The following WFDC2 variants were observed in gnomAD, a reference collection of about 807,000 sequenced individuals.
The protein encoded by WFDC2 is WAP four-disulfide core domain protein 2.
In WFDC2, 8 loss-of-function variants were observed where a neutral mutation model predicts 12.5. That is an observed-to-expected ratio of 0.64 (90% CI 0.37 to 1.15). The LOEUF (loss-of-function observed/expected upper bound fraction) is 1.15, where lower values mean the gene tolerates loss of function less well. Among genes scored for constraint, WFDC2 ranks in the 50% most tolerant of loss-of-function variants. WFDC2 has a pLI of 0.01. For missense variants in WFDC2, 166 were observed against 159.9 expected, an observed-to-expected ratio of 1.04 and a Z score of -0.21; for synonymous variants, 74 against 67.2, an observed-to-expected ratio of 1.10 and a Z score of -0.49.
At chr20:45,479,734 G>C (rs377148736) in intron 2 of WFDC2, 3 of 1,614,022 alleles carry the variant, frequency 1.9e-6, no homozygotes, top group Non-Finnish European at 2.5e-6. Context: ...CTGAGGTCCT[G>C]TGATTCCATT....
chr20:45,472,099 A>G (rs1483136293), intron 2 of WFDC2, among the ~76,000 whole-genome samples: 1 of 151,240 alleles, frequency 6.6e-6, no homozygotes, highest in Non-Finnish European at 1.5e-5. Flanking sequence ...GGAAGTCAAG[A>G]CTGTTGGCAA....
intron 2 of WFDC2, chr20:45,479,652 C>A (rs753676610): frequency 6.2e-7 from 1 of 1,608,366 alleles, no homozygotes; most frequent in East Asian, 2.2e-5. Flanking sequence ...CACTGTTCCA[C>A]TGGCACCTAA....
At chr20:45,471,112 G>T (rs1276253026) in intron 2 of WFDC2, 8 of 471,034 alleles carry the variant, frequency 1.7e-5, no homozygotes, top group Non-Finnish European at 3.1e-5. Context: ...CCATCCCATG[G>T]CTGCTGGAGT....
At chr20:45,474,168 A>C (rs575506228) in intron 2 of WFDC2, among the ~76,000 whole-genome samples, 2 of 152,178 alleles carry the variant, frequency 1.3e-5, no homozygotes, top group Admixed American at 6.5e-5. Flanking sequence ...AATACCCTTT[A>C]TTTCTTTCTC....
At chr20:45,480,496 C>T (rs2145508216) in intron 3 of WFDC2, among the ~76,000 whole-genome samples, 2 of 151,742 alleles carry the variant, frequency 1.3e-5, no homozygotes, top group East Asian at 3.9e-4. Flanking sequence ...GCGGGTGCCA[C>T]CCACCCGCTA....
chr20:45,471,512 G>C (rs1991172016), intron 2 of WFDC2: 1 of 169,434 alleles, frequency 5.9e-6, no homozygotes, highest in Non-Finnish European at 1.3e-5. Context: ...GGGAAGGTTT[G>C]TAATACGGTG....
At chr20:45,480,813 C>G (rs1025757745) in intron 3 of WFDC2, among the ~76,000 whole-genome samples, 5 of 152,166 alleles carry the variant, frequency 3.3e-5, no homozygotes, top group African/African-American at 1.2e-4. Flanking sequence ...ACTATGGTTT[C>G]TCTAAACTAA....
At position 45,470,684 on chromosome 20, in the gene WFDC2, C is replaced by A. The variant is rs1364123341; in HGVS notation, c.223+152C>A. On this transcript the variant is annotated intron_variant, in intron 2 of 3. Coordinates refer to ENST00000372676, the MANE Select transcript of WFDC2 (RefSeq NM_006103.4). This position sits in a 1 kb window ranked among gnomAD's most constrained non-coding sequence, Gnocchi z 5.4. ...TGAAACCAGATCCGTCAGTCCTCTC[C>A]CTCGCACGGCCCAGGGGTAGACAAA... 1 of 1,140,760 alleles carries A rather than the reference C, an allele frequency of 8.8e-7. No individual in the cohort carries two copies. The highest frequency in any genetic ancestry group is 1.6e-5 in the African/African-American group (1 of 63,904). 70.7% of individuals were successfully genotyped at this position (1,140,760 alleles called of 1,614,324 possible).
chr20:45,470,483 C>A lies in WFDC2; in HGVS notation c.174C>A (p.Asn58Lys). The A allele has an allele frequency of 6.3e-7, 1 of 1,598,554 alleles. No homozygotes were observed. The highest frequency in any genetic ancestry group is 8.5e-7 in the Non-Finnish European group (1 of 1,172,180). ...TCTCGGACAGCGAATGCGCCGACAACCTCAAGTGCTGCAGCGCGGGCTGTG... is the reference window on the plus strand; with the variant it reads ...TCTCGGACAGCGAATGCGCCGACAAACTCAAGTGCTGCAGCGCGGGCTGTG... ...ECVSDSECADNLKCCSAGCAT... is the reference protein window; with the variant it reads ...ECVSDSECADKLKCCSAGCAT... Residue 58 changes from asparagine (N) to lysine (K), a missense_variant, in exon 2 of 4, where the codon AAC (asparagine) becomes AAA (lysine). Physicochemically the swap from Asn to Lys is moderately conservative, Grantham distance 94. Coordinates refer to ENST00000372676, the MANE Select transcript of WFDC2 (RefSeq NM_006103.4). The surrounding 1 kb of genome is among the most constrained non-coding windows in gnomAD (Gnocchi z 5.4).
intron 2 of WFDC2, among the ~76,000 whole-genome samples, chr20:45,472,039 C>T (rs1022642961): frequency 1.3e-5 from 2 of 152,054 alleles, no homozygotes; most frequent in Non-Finnish European, 2.9e-5. Context: ...CAGGGCAGCC[C>T]AATATTACAG....
rs1347544680 is a variant in WFDC2, at chr20:45,470,282, G to T, written c.80-107G>T. ...TGGGGGCTGTAAGGGGACTCCTAGG[G>T]CCAGAGACTGAGAATTCCTTGGGGT... On this transcript the variant is annotated intron_variant, in intron 1 of 3. Coordinates refer to ENST00000372676, the MANE Select transcript of WFDC2 (RefSeq NM_006103.4). This position sits in a 1 kb window ranked among gnomAD's most constrained non-coding sequence, Gnocchi z 5.4. 4.9e-6 allele frequency: 7 copies of T among 1,439,224 alleles called. No individual in the cohort carries two copies. Among genetic ancestry groups the T allele is most frequent in the Non-Finnish European group, 6.4e-6 (7 of 1,085,358 alleles). The allele number at this position is 1,439,224 out of a possible 1,614,324, so 89.2% of individuals were successfully genotyped here.
rs574773830 is a variant in WFDC2, at chr20:45,476,687, C to A, written c.224-3255C>A. ...TCTCAAGGAGTATCTTTGAGGTGTT[C>A]TCTGTATTTCCTGAATTTGAATGTT... On this transcript the variant is annotated intron_variant, in intron 2 of 3. Coordinates refer to ENST00000372676, the MANE Select transcript of WFDC2 (RefSeq NM_006103.4). Among the ~76,000 whole-genome samples the A allele has an allele frequency of 2.0e-5, 3 of 152,212 alleles. No homozygotes were observed. The East Asian group carries it at 5.8e-4, about 29-fold the overall frequency.
chr20:45,470,573 G>A lies in WFDC2; in HGVS notation c.223+41G>A. The stretch of plus-strand genomic sequence containing the variant: ...CCGAGCGGGAACGGGGCGGGGCCGC[G>A]CTGGGCTGGGAGGAGGTGGGAGGGC... On this transcript the variant is annotated intron_variant, in intron 2 of 3. Coordinates refer to ENST00000372676, the MANE Select transcript of WFDC2 (RefSeq NM_006103.4). This position sits in a 1 kb window ranked among gnomAD's most constrained non-coding sequence, Gnocchi z 5.4. 1 of 1,538,678 alleles carries A rather than the reference G, an allele frequency of 6.5e-7. No individual in the cohort carries two copies. Among genetic ancestry groups the A allele is most frequent in the African/African-American group, 1.4e-5 (1 of 73,748 alleles).
At chr20:45,471,481 T>C (rs551757151) in intron 2 of WFDC2, 9 of 185,062 alleles carry the variant, frequency 4.9e-5, no homozygotes, top group Admixed American at 1.7e-4. Context: ...TGTTATTTCC[T>C]TGAAGATGCC....
At chr20:45,480,187 T>C (rs938286301) in intron 3 of WFDC2, 93 bp downstream of exon 3, 16 of 1,554,866 alleles carry the variant, frequency 1.0e-5, no homozygotes, top group Non-Finnish European at 1.3e-5. Flanking sequence ...GGGAGGTTAG[T>C]TGCAGGGACA....
intron 3 of WFDC2, among the ~76,000 whole-genome samples, chr20:45,481,045 G>A (rs188124597): frequency 2.6e-4 from 40 of 152,300 alleles, no homozygotes; most frequent in Admixed American, 7.8e-4. Flanking sequence ...CTTCCTAATA[G>A]TAGAAGGATT....
intron 3 of WFDC2, 135 bp downstream of exon 3, chr20:45,480,229 C>T: frequency 7.8e-7 from 1 of 1,274,580 alleles, no homozygotes; most frequent in South Asian, 1.5e-5. Context: ...GGGTGACCCT[C>T]AGCCTGTTCT....
rs760882251 is a variant in WFDC2 at position 45,480,069 on chromosome 20, G to A, written c.351G>A (p.Val117=). The change falls in exon 3 of 4, where the codon GTG becomes GTA. Residue 117 remains valine (V), a synonymous_variant. Coordinates refer to ENST00000372676, the MANE Select transcript of WFDC2 (RefSeq NM_006103.4). ...MKCCRNGCGK[V]SCVTPNF ...GCTGCCGCAATGGCTGTGGGAAGGT[G>A]TCCTGTGTCACTCCCAATTTCTGAG... is the stretch of plus-strand genomic sequence containing the variant. 1.1e-5 allele frequency: 17 copies of A among 1,614,074 alleles called. No individual in the cohort carries two copies. Among genetic ancestry groups the A allele is most frequent in the Non-Finnish European group, 1.4e-5 (17 of 1,180,024 alleles).
intron 2 of WFDC2, among the ~76,000 whole-genome samples, chr20:45,472,287 G>A (rs1991182135): frequency 6.6e-6 from 1 of 152,064 alleles, no homozygotes; most frequent in African/African-American, 2.4e-5. Flanking sequence ...CCCCCCGACA[G>A]GCCCTGGTGT....
Sources: gnomAD v4.1 joint callset for allele counts (sites outside exome capture counted in the v4.1 genomes callset) on GRCh38, gnomAD v4.1.1 for gene constraint, Gnocchi (gnomAD v3.1) non-coding constraint, MANE v1.5 for transcripts, NCBI Gene and HGNC (gene_info 2026-07-23, HGNC 2026-07-21) for gene names.